Variants in PNMA2 observed in about 807,000 individuals in gnomAD.
PNMA2 encodes paraneoplastic antigen Ma2.
For synonymous variants in PNMA2, 175 were observed against 183.5 expected (o/e 0.95, Z 0.38); for missense variants, 455 against 452.9 (o/e 1.00, Z -0.04).
rs1239476945 is a variant in PNMA2, at chr8:26,509,879, G to A, written c.-618-202C>T. Among the ~76,000 whole-genome samples the A allele has an allele frequency of 6.6e-6, 1 of 152,098 alleles. No individual in the cohort carries two copies. The highest frequency in any genetic ancestry group is 1.9e-4 in the East Asian group (1 of 5,196). On this transcript the variant is annotated intron_variant, in intron 1 of 2. Transcript: ENST00000522362. This position sits in a 1 kb window ranked among gnomAD's most constrained non-coding sequence, Gnocchi z 5.7. ...TTTAATCTAGGTATAACAATTCAGG[G>A]AAAAAAATCTCAGGGCCGACTAAGT...
At position 26,506,797 on chromosome 8, in the gene PNMA2, C is replaced by G. The variant is rs1217024003; in HGVS notation, c.*864G>C. ...CCCATTTTGTAGGTTTATAACTGCT[C>G]AACTGCAGGTTATAGCTGTAGTCTT... On this transcript the variant is annotated 3_prime_UTR_variant, in exon 3 of 3. Transcript: ENST00000522362. The surrounding 1 kb of genome is among the most constrained non-coding windows in gnomAD (Gnocchi z 4.4). 2 of 152,244 alleles carry G rather than the reference C, an allele frequency of 1.3e-5. No homozygotes were observed. The allele number at this position is 152,244 out of a possible 1,614,324, so 9.4% of individuals were successfully genotyped here.
At position 26,508,704 on chromosome 8, in the gene PNMA2, G is replaced by C; in HGVS notation, c.52C>G (p.Gln18Glu). The C allele has an allele frequency of 6.2e-7, 1 of 1,614,052 alleles. No individual in the cohort carries two copies. The highest frequency in any genetic ancestry group is 8.5e-7 in the Non-Finnish European group (1 of 1,179,998). ...DWCRIMSVDE[Q>E]KSLMVTGIPA... ...ATCCCCGTAACCATCAGTGACTTCT[G>C]CTCATCCACACTCATTATCCTGCAC... Residue 18 changes from glutamine (Q) to glutamate (E), a missense_variant, in exon 3 of 3, where the codon CAG becomes GAG. Coordinates refer to ENST00000522362, the MANE Select transcript of PNMA2 (RefSeq NM_007257.6). The surrounding 1 kb of genome is among the most constrained non-coding windows in gnomAD (Gnocchi z 5.5).
In PNMA2 at chr8:26,508,422, T is replaced by C; in HGVS notation, c.334A>G (p.Lys112Glu). Residue 112 changes from lysine to glutamate, a missense_variant, in exon 3 of 3, where the codon AAA becomes GAA. Lys to Glu is a moderately conservative substitution (Grantham distance 56, BLOSUM62 1). Transcript: ENST00000522362. The surrounding 1 kb of genome is among the most constrained non-coding windows in gnomAD (Gnocchi z 5.5). ...ATACCCGAGACCGTCTGCCCCTCTT[T>C]TTCTAGAAACAGGTTCAATCTTTCA... is the stretch of plus-strand genomic sequence containing the variant. ...FLERLNLFLEKEGQTVSGMFR... is the reference protein window; with the variant it reads ...FLERLNLFLEEEGQTVSGMFR... The C allele has an allele frequency of 1.2e-6, 2 of 1,614,244 alleles. No homozygotes were observed. The highest frequency in any genetic ancestry group is 2.2e-5 in the East Asian group (1 of 44,886).
At chr8:26,510,976 A>G (rs1169139559) in intron 1 of PNMA2, among the ~76,000 whole-genome samples, 2 of 151,846 alleles carry the variant, frequency 1.3e-5, no homozygotes, top group African/African-American at 2.4e-5. Flanking sequence ...ACATGGCCAA[A>G]CCCCGTCTCT....
chr8:26,508,297 C>T lies in PNMA2; in HGVS notation c.459G>A (p.Ala153=), dbSNP rs771767899. 3 of 1,604,874 alleles carry T rather than the reference C, an allele frequency of 1.9e-6. No homozygotes were observed. Among genetic ancestry groups the T allele is most frequent in the Non-Finnish European group, 1.7e-6 (2 of 1,175,232 alleles). ...ATCTCATGGGTAGCAGGGGCTGAGG[C>T]GCATGTGCCATTGCCTGTCCCAACA... is the stretch of plus-strand genomic sequence containing the variant. ...AHLLGQAMAH[A]PQPLLPMRYR... is the part of the protein sequence containing the mutation. The change falls in exon 3 of 3, where the codon GCG becomes GCA. Residue 153 remains alanine, a synonymous_variant. Coordinates refer to ENST00000522362, the MANE Select transcript of PNMA2 (RefSeq NM_007257.6). The surrounding 1 kb of genome is among the most constrained non-coding windows in gnomAD (Gnocchi z 5.5).
rs150597488 is a variant in PNMA2 at position 26,508,074 on chromosome 8, T to G, written c.682A>C (p.Ile228Leu). 1 of 1,614,252 alleles carries G rather than the reference T, an allele frequency of 6.2e-7. No individual in the cohort carries two copies. Among genetic ancestry groups the G allele is most frequent in the East Asian group, 2.2e-5 (1 of 44,876 alleles). Residue 228 changes from isoleucine to leucine, a missense_variant, in exon 3 of 3, where the codon ATC (isoleucine) becomes CTC (leucine). Coordinates refer to ENST00000522362, the MANE Select transcript of PNMA2 (RefSeq NM_007257.6). This position sits in a 1 kb window ranked among gnomAD's most constrained non-coding sequence, Gnocchi z 5.5. ...MHIVQADNPS[I>L]SVEECLEAFK... ...GCCTCCAAACACTCTTCTACACTGA[T>G]GGACGGGTTGTCTGCCTGCACTATG...
Position 26,508,419 on chromosome 8 carries a change from C to CT in PNMA2, c.336dup (p.Glu113ArgfsTer70), listed in dbSNP as rs1420941981. The CT allele has an allele frequency of 6.2e-7, 1 of 1,614,118 alleles. No homozygotes were observed. The highest frequency in any genetic ancestry group is 1.3e-5 in the African/African-American group (1 of 74,938). ...AACATACCCGAGACCGTCTGCCCCT[C>CT]TTTTTCTAGAAACAGGTTCAATCTT... On this transcript the variant is annotated frameshift_variant, in exon 3 of 3. Transcript: ENST00000522362. LOFTEE classifies it high-confidence loss of function. This position sits in a 1 kb window ranked among gnomAD's most constrained non-coding sequence, Gnocchi z 5.5.
In PNMA2 at chr8:26,508,288, G is replaced by A; in HGVS notation, c.468C>T (p.Pro156=). 1.9e-6 allele frequency: 3 copies of A among 1,603,056 alleles called. No individual in the cohort carries two copies. Among genetic ancestry groups the A allele is most frequent in the Non-Finnish European group, 2.6e-6 (3 of 1,174,322 alleles). ...LGQAMAHAPQ[P]LLPMRYRKLR... ...GTTTCCGGTATCTCATGGGTAGCAG[G>A]GGCTGAGGCGCATGTGCCATTGCCT... Residue 156 remains proline, a synonymous_variant, in exon 3 of 3, where the codon CCC becomes CCT. Coordinates refer to ENST00000522362, the MANE Select transcript of PNMA2 (RefSeq NM_007257.6). This position sits in a 1 kb window ranked among gnomAD's most constrained non-coding sequence, Gnocchi z 5.5.
chr8:26,512,574 G>C (rs750793441), intron 1 of PNMA2, among the ~76,000 whole-genome samples: 2 of 152,122 alleles, frequency 1.3e-5, no homozygotes, highest in African/African-American at 4.8e-5. Flanking sequence ...GGCCCTACGC[G>C]GTGGCCCTGC....
In PNMA2 at chr8:26,504,795, C is replaced by G. The variant is rs1808020170; in HGVS notation, c.*2866G>C. The G allele has an allele frequency of 6.6e-6, 1 of 152,540 alleles. No homozygotes were observed. Among genetic ancestry groups the G allele is most frequent in the Non-Finnish European group, 1.5e-5 (1 of 68,010 alleles). 9.4% of individuals were successfully genotyped at this position (152,540 alleles called of 1,614,324 possible). ...GACAATGAAACTATTTTCATAAATA[C>G]AAAAACACATGAAATTAGGGTGTCA... On this transcript the variant is annotated 3_prime_UTR_variant, in exon 3 of 3. Coordinates refer to ENST00000522362, the MANE Select transcript of PNMA2 (RefSeq NM_007257.6).
At chr8:26,510,417 A>G (rs1808128928) in intron 1 of PNMA2, among the ~76,000 whole-genome samples, 1 of 152,200 alleles carries the variant, frequency 6.6e-6, no homozygotes, top group African/African-American at 2.4e-5. Flanking sequence ...ACAATAAGTT[A>G]CTAACACAAC....
Position 26,507,656 on chromosome 8 carries a change from G to T in PNMA2, c.*5C>A. On this transcript the variant is annotated 3_prime_UTR_variant, in exon 3 of 3. Coordinates refer to ENST00000522362, the MANE Select transcript of PNMA2 (RefSeq NM_007257.6). ...CTGGCTGTGGGTCCTGCCCCCAGGTGGTTTTCAGTCGTCTCCCTCATGATT... is the reference window on the plus strand; with the variant it reads ...CTGGCTGTGGGTCCTGCCCCCAGGTTGTTTTCAGTCGTCTCCCTCATGATT... The T allele has an allele frequency of 6.5e-7, 1 of 1,536,848 alleles. No homozygotes were observed. The highest frequency in any genetic ancestry group is 1.3e-5 in the South Asian group (1 of 76,232).
At position 26,509,829 on chromosome 8, in the gene PNMA2, G is replaced by A. The variant is rs1278296658; in HGVS notation, c.-618-152C>T. Among the ~76,000 whole-genome samples the A allele has an allele frequency of 6.6e-6, 1 of 152,146 alleles. No homozygotes were observed. Among genetic ancestry groups the A allele is most frequent in the African/African-American group, 2.4e-5 (1 of 41,418 alleles). On this transcript the variant is annotated intron_variant, in intron 1 of 2. Coordinates refer to ENST00000522362, the MANE Select transcript of PNMA2 (RefSeq NM_007257.6). This position sits in a 1 kb window ranked among gnomAD's most constrained non-coding sequence, Gnocchi z 5.7. ...CTCTTTGATTAACAAAACTAATGAG[G>A]AATCACTCAAACGTTTAAAAATAGT...
intron 1 of PNMA2, chr8:26,511,648 C>T (rs1808155840): frequency 6.6e-6 from 1 of 152,266 alleles, no homozygotes; most frequent in African/African-American, 2.4e-5. Context: ...GTGGCACTCG[C>T]CTGTAGTCCC....
Position 26,506,115 on chromosome 8 carries a change from T to G in PNMA2, c.*1546A>C, listed in dbSNP as rs1471262048. The G allele has an allele frequency of 6.6e-6, 1 of 152,212 alleles. No individual in the cohort carries two copies. Among genetic ancestry groups the G allele is most frequent in the African/African-American group, 2.4e-5 (1 of 41,450 alleles). The allele number at this position is 152,212 out of a possible 1,614,324, so 9.4% of individuals were successfully genotyped here. A position where few individuals can be genotyped will look rare whatever the true frequency, so the allele number is the denominator to read the frequency against. On this transcript the variant is annotated 3_prime_UTR_variant, in exon 3 of 3. Transcript: ENST00000522362. This position sits in a 1 kb window ranked among gnomAD's most constrained non-coding sequence, Gnocchi z 4.4. ...GTCATCGTGATGGTAGAGGATGGACTAGTGTGAGTCAGAAAGTTCTGGGCT... is the reference window on the plus strand; with the variant it reads ...GTCATCGTGATGGTAGAGGATGGACGAGTGTGAGTCAGAAAGTTCTGGGCT...
chr8:26,504,907 T>C lies in PNMA2; in HGVS notation c.*2754A>G, dbSNP rs1034270016. 3.3e-5 allele frequency: 5 copies of C among 152,342 alleles called. No individual in the cohort carries two copies. Among genetic ancestry groups the C allele is most frequent in the African/African-American group, 4.8e-5 (2 of 41,454 alleles). The allele number at this position is 152,342 out of a possible 1,614,324, so 9.4% of individuals were successfully genotyped here. On this transcript the variant is annotated 3_prime_UTR_variant, in exon 3 of 3. Coordinates refer to ENST00000522362, the MANE Select transcript of PNMA2 (RefSeq NM_007257.6). ...ATCACAAGTGATACCTTTTAAAAAA[T>C]GCTTTTCTTACAATCTCAGGATATT... is the stretch of plus-strand genomic sequence containing the variant.
Position 26,508,088 on chromosome 8 carries a change from G to A in PNMA2, c.668C>T (p.Ala223Val), listed in dbSNP as rs761284942. ...TTCTACACTGATGGACGGGTTGTCTGCCTGCACTATGTGCATGAGGTCCAG... is the reference window on the plus strand; with the variant it reads ...TTCTACACTGATGGACGGGTTGTCTACCTGCACTATGTGCATGAGGTCCAG... ...PALDLMHIVQ[A>V]DNPSISVEEC... The change falls in exon 3 of 3, where the codon GCA becomes GTA. Residue 223 changes from alanine to valine, a missense_variant. Ala to Val is a moderately conservative substitution (Grantham distance 64, BLOSUM62 0). Coordinates refer to ENST00000522362, the MANE Select transcript of PNMA2 (RefSeq NM_007257.6). This position sits in a 1 kb window ranked among gnomAD's most constrained non-coding sequence, Gnocchi z 5.5. The A allele has an allele frequency of 2.9e-5, 47 of 1,614,238 alleles. 2 individuals are homozygous for A. In the South Asian group the frequency reaches 5.2e-4, roughly 18 times the overall value.
In PNMA2 at chr8:26,509,809, T is replaced by A. The variant is rs994347846; in HGVS notation, c.-618-132A>T. ...TCAATATTAAGTTGCTTTACCTCTT[T>A]GATTAACAAAACTAATGAGGAATCA... On this transcript the variant is annotated intron_variant, in intron 1 of 2. Transcript: ENST00000522362. This position sits in a 1 kb window ranked among gnomAD's most constrained non-coding sequence, Gnocchi z 5.7. The A allele has an allele frequency of 1.3e-5, 2 of 152,234 alleles. No homozygotes were observed. Among genetic ancestry groups the A allele is most frequent in the African/African-American group, 4.8e-5 (2 of 41,458 alleles). 9.4% of individuals were successfully genotyped at this position (152,234 alleles called of 1,614,324 possible).
chr8:26,508,171 C>A lies in PNMA2; in HGVS notation c.585G>T (p.Trp195Cys), dbSNP rs1808080613. 6.2e-7 allele frequency: 1 copy of A among 1,614,056 alleles called. No homozygotes were observed. The highest frequency in any genetic ancestry group is 1.7e-5 in the Admixed American group (1 of 60,002). ...LEQATEIVKEWPVTEAEKKRW... is the reference protein window; with the variant it reads ...LEQATEIVKECPVTEAEKKRW... ...TTTTCTTTTCTGCCTCTGTTACTGG[C>A]CACTCTTTGACTATCTCCGTGGCCT... Residue 195 changes from tryptophan (W) to cysteine (C), a missense_variant, in exon 3 of 3, where the codon TGG becomes TGT. Trp to Cys is a radical substitution (Grantham distance 215). Coordinates refer to ENST00000522362, the MANE Select transcript of PNMA2 (RefSeq NM_007257.6). The surrounding 1 kb of genome is among the most constrained non-coding windows in gnomAD (Gnocchi z 5.5).
Sources: gnomAD v4.1 joint callset for allele counts (sites outside exome capture counted in the v4.1 genomes callset) on GRCh38, gnomAD v4.1.1 for gene constraint, Gnocchi (gnomAD v3.1) non-coding constraint, MANE v1.5 for transcripts, NCBI Gene and HGNC (gene_info 2026-07-23, HGNC 2026-07-21) for gene names.